Variants in WHR1 observed in about 807,000 individuals in gnomAD.
The protein encoded by WHR1 is MHC class III HLA-RP1.
the WHR1 span, among the ~76,000 whole-genome samples, chr6:31,974,773 A>C: frequency 3.3e-5 from 5 of 152,298 alleles, no homozygotes; most frequent in Non-Finnish European, 5.9e-5. Flanking sequence ...AAATGAAAAC[A>C]ACAACAAAAA....
At chr6:31,971,239 T>C in the WHR1 span, 4 of 1,551,256 alleles carry the variant, frequency 2.6e-6, no homozygotes, top group Admixed American at 7.4e-5. The surrounding 1 kb of genome is among the most constrained non-coding windows in gnomAD (Gnocchi z 4.5). Context: ...TAAGGACTGA[T>C]TCTCACCCCG....
chr6:31,980,336 C>A, the WHR1 span: 1 of 937,408 alleles, frequency 1.1e-6, no homozygotes, highest in Non-Finnish European at 1.6e-6. Flanking sequence ...GTTATCCAGT[C>A]TCTCTTGCAT....
At chr6:31,978,102 A>G in the WHR1 span, among the ~76,000 whole-genome samples, 2 of 152,292 alleles carry the variant, frequency 1.3e-5, no homozygotes, top group Non-Finnish European at 2.9e-5. Context: ...TAGATGTTAT[A>G]TTAGTGGTAA....
At chr6:31,979,333 GA>G in the WHR1 span, 2 of 1,580,392 alleles carry the variant, frequency 1.3e-6, no homozygotes, top group South Asian at 2.3e-5. Flanking sequence ...GGTAAGACAG[GA>G]AGAGAAATGC....
At chr6:31,978,803 C>T in the WHR1 span, 1 of 1,045,652 alleles carries the variant, frequency 9.6e-7, no homozygotes, top group Middle Eastern at 2.1e-4. Flanking sequence ...AAAATGCCCC[C>T]ATATTGGCAA....
At chr6:31,971,333 C>A in the WHR1 span, 1 of 1,542,906 alleles carries the variant, frequency 6.5e-7, no homozygotes, top group Non-Finnish European at 8.7e-7. The surrounding 1 kb of genome is among the most constrained non-coding windows in gnomAD (Gnocchi z 4.5). Context: ...TCCAACCGGC[C>A]TCGGTGTTCC....
chr6:31,971,517 G>A, the WHR1 span: 12 of 1,614,188 alleles, frequency 7.4e-6, no homozygotes, highest in Non-Finnish European at 1.0e-5. This position sits in a 1 kb window ranked among gnomAD's most constrained non-coding sequence, Gnocchi z 4.5. Flanking sequence ...GAGCATCCAG[G>A]GAGAAGCAGC....
the WHR1 span, chr6:31,972,264 C>T: frequency 6.2e-7 from 1 of 1,613,122 alleles, no homozygotes; most frequent in Non-Finnish European, 8.5e-7. This position sits in a 1 kb window ranked among gnomAD's most constrained non-coding sequence, Gnocchi z 6.3. Flanking sequence ...GCCTGAGGGA[C>T]GACAAGTTGA....
At chr6:31,975,150 C>A in the WHR1 span, among the ~76,000 whole-genome samples, 2 of 151,608 alleles carry the variant, frequency 1.3e-5, no homozygotes, top group African/African-American at 4.8e-5. Context: ...TGTCTCTGAT[C>A]AGAATGTCCC....
At chr6:31,978,101 T>C in the WHR1 span, among the ~76,000 whole-genome samples, 1 of 152,232 alleles carries the variant, frequency 6.6e-6, no homozygotes, top group Non-Finnish European at 1.5e-5. Context: ...TTAGATGTTA[T>C]ATTAGTGGTA....
the WHR1 span, chr6:31,973,373 C>A: frequency 4.6e-6 from 1 of 219,678 alleles, no homozygotes; most frequent in Non-Finnish European, 9.4e-6. Context: ...CATCCAAAGA[C>A]AAAGGTATTA....
At chr6:31,980,328 T>C in the WHR1 span, 4 of 879,838 alleles carry the variant, frequency 4.5e-6, no homozygotes, top group South Asian at 7.6e-5. Flanking sequence ...GGGATTTTGT[T>C]ATCCAGTCTC....
the WHR1 span, chr6:31,971,952 T>A: frequency 3.2e-6 from 5 of 1,559,244 alleles, no homozygotes; most frequent in Non-Finnish European, 3.5e-6. The surrounding 1 kb of genome is among the most constrained non-coding windows in gnomAD (Gnocchi z 4.5). Flanking sequence ...AACTTCCACC[T>A]CCGCAGAGCT....
At chr6:31,975,531 C>T in the WHR1 span, among the ~76,000 whole-genome samples, 1 of 149,618 alleles carries the variant, frequency 6.7e-6, no homozygotes, top group Admixed American at 6.7e-5. Context: ...GATGGGGTTT[C>T]ACCCTGTTGG....
At chr6:31,975,774 C>G in the WHR1 span, among the ~76,000 whole-genome samples, 2 of 152,174 alleles carry the variant, frequency 1.3e-5, no homozygotes, top group Non-Finnish European at 2.9e-5. Context: ...CATCGTGGCC[C>G]GTTCTCAATG....
chr6:31,973,071 A>C, the WHR1 span: 2 of 622,870 alleles, frequency 3.2e-6, no homozygotes, highest in Non-Finnish European at 6.0e-6. Flanking sequence ...TCCATCTTAC[A>C]CTGAGGCGAT....
chr6:31,975,418 G>T, the WHR1 span, among the ~76,000 whole-genome samples: 1 of 151,844 alleles, frequency 6.6e-6, no homozygotes, highest in South Asian at 2.1e-4. Context: ...GGCCATAATG[G>T]TCTTGATCTC....
the WHR1 span, among the ~76,000 whole-genome samples, chr6:31,976,018 G>A: frequency 3.3e-5 from 5 of 150,010 alleles, no homozygotes; most frequent in African/African-American, 9.8e-5. Flanking sequence ...CGGACGAGGC[G>A]GCTGGCCGGG....
the WHR1 span, among the ~76,000 whole-genome samples, chr6:31,975,934 C>T: frequency 4.0e-4 from 54 of 134,758 alleles, no homozygotes; most frequent in South Asian, 2.2e-3. Context: ...CCCTCCCGGA[C>T]GGGGCGGCTG....
Sources: gnomAD v4.1 joint callset for allele counts (sites outside exome capture counted in the v4.1 genomes callset) on GRCh38, gnomAD v4.1.1 for gene constraint, Gnocchi (gnomAD v3.1) non-coding constraint, MANE v1.5 for transcripts, NCBI Gene and HGNC (gene_info 2026-07-23, HGNC 2026-07-21) for gene names.